Variants in USP20 observed in about 807,000 individuals in gnomAD.
The protein encoded by USP20 is ubiquitin carboxyl-terminal hydrolase 20.
USP20 carries 80 observed loss-of-function variants against 124.2 expected under a neutral mutation model. The observed-to-expected ratio is 0.64, with a 90% CI of 0.54 to 0.78. USP20 has a LOEUF of 0.78. Among genes scored for constraint, USP20 ranks in the 30% least tolerant of loss-of-function variants. USP20 has a pLI of 0.00. For synonymous variants in USP20, 481 were observed against 512.3 expected (o/e 0.94, Z 0.83); for missense variants, 1,043 against 1,244.4 (o/e 0.84, Z 2.44).
intron 2 of USP20, among the ~76,000 whole-genome samples, chr9:129,850,716 C>G (rs2032869097): frequency 6.6e-6 from 1 of 152,094 alleles, no homozygotes; most frequent in South Asian, 2.1e-4. Flanking sequence ...GGTTCAATGG[C>G]ACGATGTTGG....
chr9:129,873,080 CTTTTTTTTTTT>C (rs59712662), intron 15 of USP20, among the ~76,000 whole-genome samples: 1 of 78,366 alleles, frequency 1.3e-5, no homozygotes, highest in Non-Finnish European at 2.3e-5. Flanking sequence ...TTTTCTTCTT[CTTTTTTTTTTT>C]TTTTTTTTGA....
At chr9:129,835,874 T>C (rs1382655966) in intron 1 of USP20, 2 of 152,298 alleles carry the variant, frequency 1.3e-5, no homozygotes, top group African/African-American at 4.8e-5. Flanking sequence ...GTGCGTTTTT[T>C]TCTTTCGGAA....
chr9:129,877,535 A>G (rs56085909), intron 22 of USP20, among the ~76,000 whole-genome samples: 1 of 151,944 alleles, frequency 6.6e-6, no homozygotes, highest in Admixed American at 6.5e-5. Context: ...AACACAAACG[A>G]AAAAGAGACT....
intron 11 of USP20, 138 bp downstream of exon 11, chr9:129,868,587 C>T (rs7033280): frequency 0.88 from 1,270,144 of 1,436,752 alleles, 563,513 homozygotes; most frequent in East Asian, 0.97. Flanking sequence ...AGTCAGCCTC[C>T]GGGGGGGCTC....
chr9:129,864,494 G>T (rs1352879479), intron 9 of USP20, among the ~76,000 whole-genome samples: 1 of 129,366 alleles, frequency 7.7e-6, no homozygotes, highest in Admixed American at 7.7e-5. Flanking sequence ...AAAAAAAAAA[G>T]TCTGTGTGCA....
At chr9:129,863,416 T>A (rs2033653051) in intron 9 of USP20, 117 bp downstream of exon 9, 1 of 752,698 alleles carries the variant, frequency 1.3e-6, no homozygotes, top group Non-Finnish European at 2.1e-6. Flanking sequence ...CCTCACTTTG[T>A]CCCGGGTAAT....
intron 2 of USP20, 116 bp from the exon 3 acceptor site, chr9:129,852,424 G>A (rs770534718): frequency 3.8e-6 from 3 of 779,464 alleles, no homozygotes; most frequent in African/African-American, 3.5e-5. Context: ...TGCGTTACCA[G>A]CTGGTTTGTG....
chr9:129,860,047 T>TA (rs1298913700), intron 6 of USP20, among the ~76,000 whole-genome samples: 1 of 150,368 alleles, frequency 6.7e-6, no homozygotes, highest in African/African-American at 2.5e-5. Context: ...AAAGTCCACA[T>TA]AGCCCAGGCG....
intron 17 of USP20, among the ~76,000 whole-genome samples, chr9:129,874,328 G>A (rs536487867): frequency 3.3e-5 from 5 of 152,192 alleles, no homozygotes; most frequent in African/African-American, 1.2e-4. Context: ...CTTCTCAAAG[G>A]TAGTGCCGAC....
chr9:129,869,260 G>C lies in USP20; in HGVS notation c.1277-50G>C, dbSNP rs761598374. ...AAGGAAGCCGCAGGGCCCGCACCTC[G>C]CCCCGGCCAGGCAGGTGGAGGCTGG... On this transcript the variant is annotated intron_variant, in intron 12 of 25. Transcript: ENST00000372429. The C allele has an allele frequency of 3.8e-6, 6 of 1,564,550 alleles. No individual in the cohort carries two copies. The Admixed American group carries it at 8.5e-5, about 22-fold the overall frequency.
At position 129,865,374 on chromosome 9, in the gene USP20, C is replaced by G. The variant is rs759845889; in HGVS notation, c.683C>G (p.Ala228Gly). The change falls in exon 10 of 26, where the codon GCC becomes GGC. Residue 228 changes from alanine (A) to glycine (G), a missense_variant. Coordinates refer to ENST00000372429, the MANE Select transcript of USP20 (RefSeq NM_001110303.4). ...GTCAACCCAATGTTCCGAGGCTATG[C>G]CCAGCAGGTAAGCCATCTGAGCTGC... The part of the protein sequence containing the change: ...KLVNPMFRGY[A>G]QQDTQEFLRC... 1.9e-6 allele frequency: 3 copies of G among 1,614,144 alleles called. No homozygotes were observed. In the South Asian group the frequency reaches 3.3e-5, roughly 18 times the overall value.
At chr9:129,850,461 A>G (rs1166604877) in intron 2 of USP20, among the ~76,000 whole-genome samples, 1 of 152,122 alleles carries the variant, frequency 6.6e-6, no homozygotes, top group Non-Finnish European at 1.5e-5. Flanking sequence ...TCATAAACGA[A>G]TGCACAAAAA....
intron 15 of USP20, among the ~76,000 whole-genome samples, chr9:129,871,417 C>T (rs113101338): frequency 5.3e-5 from 8 of 152,274 alleles, no homozygotes; most frequent in African/African-American, 1.9e-4. Context: ...TCTGCTTATT[C>T]GTTCATCCGT....
chr9:129,869,976 G>A (rs1405940558), intron 14 of USP20, 132 bp downstream of exon 14: 1 of 1,085,376 alleles, frequency 9.2e-7, no homozygotes, highest in East Asian at 2.5e-5. Flanking sequence ...GGGGGCCGAA[G>A]CCTGCAGAGG....
At chr9:129,861,640 A>G (rs1419734662) in intron 8 of USP20, 28 bp downstream of exon 8, 1 of 1,609,866 alleles carries the variant, frequency 6.2e-7, no homozygotes. Context: ...CCGAGGGCCG[A>G]GAGCTGTCCC....
intron 8 of USP20, 61 bp from the exon 9 acceptor site, chr9:129,863,125 T>G: frequency 7.2e-7 from 1 of 1,380,904 alleles, no homozygotes; most frequent in South Asian, 1.4e-5. Flanking sequence ...ATGCAGCCCT[T>G]TCTAAACTGC....
intron 12 of USP20, 130 bp downstream of exon 12, chr9:129,869,132 AC>A: frequency 2.8e-6 from 4 of 1,414,072 alleles, no homozygotes; most frequent in Non-Finnish European, 3.8e-6. Context: ...CCCCTGAGAC[AC>A]CAGTGTGGGA....
intron 3 of USP20, among the ~76,000 whole-genome samples, chr9:129,853,639 C>T (rs1160752787): frequency 6.6e-6 from 1 of 152,188 alleles, no homozygotes; most frequent in African/African-American, 2.4e-5. Context: ...TGGGGCCTGG[C>T]ATGGGAGCAG....
chr9:129,855,617 A>C (rs1326547366), intron 3 of USP20, among the ~76,000 whole-genome samples: 1 of 152,144 alleles, frequency 6.6e-6, no homozygotes, highest in Non-Finnish European at 1.5e-5. Context: ...AGGGTAGCAC[A>C]CAGCACAGAA....
Sources: allele counts gnomAD v4.1 joint callset (sites outside exome capture counted in the v4.1 genomes callset), GRCh38; gene constraint gnomAD v4.1.1; transcripts MANE v1.5; gene names NCBI Gene and HGNC (gene_info 2026-07-23, HGNC 2026-07-21).